NUP155: variants seen among roughly 807,000 people sequenced by gnomAD.
NUP155 encodes the protein nucleoporin 155, also known as nuclear pore complex protein Nup155.
Under a neutral mutation model 180.4 loss-of-function variants are expected in NUP155, and 71 were observed. That is an observed-to-expected ratio of 0.39 (90% confidence interval 0.33 to 0.48). The LOEUF is 0.48. Ranked by LOEUF, NUP155 falls within the 20% of genes least tolerant of loss-of-function variation. The probability of loss-of-function intolerance (pLI) is 0.91; values close to 1 mark genes in which losing one functional copy is unlikely to be tolerated. For synonymous variants in NUP155, 582 were observed against 559.5 expected (o/e 1.04, Z -0.57); for missense variants, 1,553 against 1,648.9 (o/e 0.94, Z 1.01).
At chr5:37,302,974 A>C in intron 28 of NUP155, 66 bp from the exon 29 acceptor site, 1 of 1,524,322 alleles carries the variant, frequency 6.6e-7, no homozygotes, top group Non-Finnish European at 9.1e-7. Flanking sequence ...AAATACGTCA[A>C]TTAGTATGTA....
At chr5:37,370,757 G>C in intron 1 of NUP155, 64 bp downstream of exon 1, 3 of 1,613,422 alleles carry the variant, frequency 1.9e-6, no homozygotes, top group Non-Finnish European at 2.5e-6. Context: ...CTGGGGATAA[G>C]TAGCAAATTA....
At chr5:37,307,248 A>C (rs773730146) in intron 25 of NUP155, 49 bp downstream of exon 25, 34 of 1,587,780 alleles carry the variant, frequency 2.1e-5, no homozygotes, top group Non-Finnish European at 2.9e-5. Context: ...TATGCAAAGA[A>C]AAGTCTGTAT....
At chr5:37,362,399 C>A (rs1473226116) in intron 3 of NUP155, among the ~76,000 whole-genome samples, 1 of 151,924 alleles carries the variant, frequency 6.6e-6, no homozygotes, top group Non-Finnish European at 1.5e-5. Context: ...AGTGATTCTC[C>A]TGCCTCAGCC....
chr5:37,296,903 G>A (rs190070329), intron 32 of NUP155, among the ~76,000 whole-genome samples: 12 of 152,004 alleles, frequency 7.9e-5, no homozygotes, highest in African/African-American at 1.9e-4. Flanking sequence ...ATGGCCAGGC[G>A]TGGTGGTTCG....
intron 20 of NUP155, among the ~76,000 whole-genome samples, chr5:37,323,185 T>C (rs548578461): frequency 1.2e-4 from 18 of 149,840 alleles, no homozygotes; most frequent in African/African-American, 4.6e-4. Flanking sequence ...CTTGGGAGGC[T>C]GAGGCAGGAG....
intron 3 of NUP155, among the ~76,000 whole-genome samples, chr5:37,362,423 C>T (rs1343842696): frequency 6.6e-6 from 1 of 151,550 alleles, no homozygotes; most frequent in African/African-American, 2.4e-5. Flanking sequence ...CGAGTAGCTG[C>T]GATTACAGGC....
chr5:37,334,476 G>A (rs1330276742), intron 12 of NUP155, among the ~76,000 whole-genome samples: 2 of 151,788 alleles, frequency 1.3e-5, no homozygotes, highest in African/African-American at 4.8e-5. Context: ...TGCTTCCCAG[G>A]TTCATGCAAT....
At chr5:37,310,827 A>ATTT in intron 22 of NUP155, 84 bp from the exon 23 acceptor site, 1 of 1,120,654 alleles carries the variant, frequency 8.9e-7, no homozygotes, top group Non-Finnish European at 1.3e-6. Flanking sequence ...AATTAAAATA[A>ATTT]CCTAAATATT....
rs144016077 is a variant in NUP155, at chr5:37,309,248, C to T, written c.2648G>A (p.Arg883His). ...ICSKANELLQ[R>H]SRQVQNKTEK... ...AGTCTTATTTTGAACTTGTCGGGAA[C>T]GCTGGAGAAGCTCATTTGCCTAGAA... Residue 883 changes from arginine to histidine, a missense_variant, in exon 24 of 35, where the codon CGT becomes CAT. Transcript: ENST00000231498. 1.4e-3 allele frequency: 2,269 copies of T among 1,611,086 alleles called. 21 individuals carry two copies. Among genetic ancestry groups the T allele is most frequent in the Non-Finnish European group, 4.2e-4 (494 of 1,179,042 alleles).
chr5:37,366,662 CTTTTT>C (rs34947301), intron 1 of NUP155, among the ~76,000 whole-genome samples: 4 of 119,306 alleles, frequency 3.4e-5, no homozygotes, highest in Non-Finnish European at 3.6e-5. Flanking sequence ...TAGTCTCAAT[CTTTTT>C]TTTTTTTTTT....
chr5:37,342,066 T>A (rs569465969), intron 10 of NUP155, among the ~76,000 whole-genome samples: 1 of 152,326 alleles, frequency 6.6e-6, no homozygotes, highest in African/African-American at 2.4e-5. Context: ...TGAGAAAAGA[T>A]CTTGCCCTAT....
intron 31 of NUP155, among the ~76,000 whole-genome samples, chr5:37,299,181 G>A (rs1327962194): frequency 6.6e-6 from 1 of 152,198 alleles, no homozygotes; most frequent in Non-Finnish European, 1.5e-5. Flanking sequence ...ATTCTGAGGT[G>A]AGTGTCTCAG....
Position 37,291,902 on chromosome 5 carries a change from A to C in NUP155, c.4174T>G (p.Ter1392GluextTer3). The C allele has an allele frequency of 6.2e-7, 1 of 1,613,816 alleles. No homozygotes were observed. The highest frequency in any genetic ancestry group is 8.5e-7 in the Non-Finnish European group (1 of 1,179,738). ...CGGATGAAAGTATATCACAGTAATTAATGAAGCCGTTCTAATTTAGCTTGA... is the reference window on the plus strand; with the variant it reads ...CGGATGAAAGTATATCACAGTAATTCATGAAGCCGTTCTAATTTAGCTTGA... ...SLQAKLERLH[*>E] is the part of the protein sequence containing the mutation. Residue 1392 changes from the stop codon to glutamate (E), a stop_lost, in exon 35 of 35, where the codon TAA becomes GAA. Transcript: ENST00000231498.
intron 5 of NUP155, 77 bp downstream of exon 5, chr5:37,352,660 A>T: frequency 1.1e-6 from 1 of 886,886 alleles, no homozygotes; most frequent in Non-Finnish European, 1.9e-6. Flanking sequence ...CATTTCACCC[A>T]GATTAGCTTT....
At chr5:37,321,764 A>G (rs1374211036) in intron 20 of NUP155, among the ~76,000 whole-genome samples, 1 of 152,198 alleles carries the variant, frequency 6.6e-6, no homozygotes, top group Non-Finnish European at 1.5e-5. Context: ...ACACACACAC[A>G]AAGTATGAAT....
At chr5:37,301,809 T>A (rs1322986731) in intron 29 of NUP155, among the ~76,000 whole-genome samples, 9 of 152,196 alleles carry the variant, frequency 5.9e-5, no homozygotes, top group African/African-American at 1.9e-4. Flanking sequence ...ACTATACAGC[T>A]CAGCCTCCTC....
intron 3 of NUP155, among the ~76,000 whole-genome samples, chr5:37,359,985 T>G (rs217854): frequency 0.97 from 147,831 of 152,198 alleles, 71,956 homozygotes; most frequent in East Asian, 1. Flanking sequence ...AGGCATGGTG[T>G]CCCAGGCCTG....
Position 37,291,319 on chromosome 5 carries a change from G to A in NUP155, c.*581C>T, listed in dbSNP as rs1215353578. The A allele has an allele frequency of 6.5e-6, 1 of 153,098 alleles. No homozygotes were observed. Among genetic ancestry groups the A allele is most frequent in the African/African-American group, 2.4e-5 (1 of 41,446 alleles). 9.5% of individuals were successfully genotyped at this position (153,098 alleles called of 1,614,324 possible). On this transcript the variant is annotated 3_prime_UTR_variant, in exon 35 of 35. Coordinates refer to ENST00000231498, the MANE Select transcript of NUP155 (RefSeq NM_153485.3). ...TGCAATGGTGCGATTTTGACTCACT[G>A]AAACCTCTGCCTCCCGGGTTCAAGT... is the stretch of plus-strand genomic sequence containing the variant.
chr5:37,297,775 T>C (rs1742664290), intron 32 of NUP155, among the ~76,000 whole-genome samples: 1 of 152,130 alleles, frequency 6.6e-6, no homozygotes, highest in African/African-American at 2.4e-5. Context: ...TTATTTCTCT[T>C]TATTTTTAGG....
Sources: gnomAD v4.1 joint callset for allele counts (sites outside exome capture counted in the v4.1 genomes callset) on GRCh38, gnomAD v4.1.1 for gene constraint, MANE v1.5 for transcripts, NCBI Gene and HGNC (gene_info 2026-07-23, HGNC 2026-07-21) for gene names.